The following ATG3 variants were observed in gnomAD, a reference collection of about 807,000 sequenced individuals.
The protein encoded by ATG3 is autophagy related 3.
Under a neutral mutation model 50.7 loss-of-function variants are expected in ATG3, and 25 were observed. The observed-to-expected ratio is 0.49, with a 90% CI of 0.36 to 0.69. ATG3 has a LOEUF of 0.69. Among genes scored for constraint, ATG3 ranks in the 30% least tolerant of loss-of-function variants. The pLI, the probability that ATG3 is intolerant of heterozygous loss-of-function variation, is 0.00. For missense variants in ATG3, 281 were observed against 376.0 expected (o/e 0.75, Z 2.09); for synonymous variants, 119 against 125.5 (o/e 0.95, Z 0.34).
chr3:112,539,502 G>T (rs1933167863), intron 7 of ATG3, among the ~76,000 whole-genome samples: 1 of 151,912 alleles, frequency 6.6e-6, no homozygotes, highest in Non-Finnish European at 1.5e-5. Flanking sequence ...GGTTTTTCTT[G>T]ACCAATTTAT....
intron 2 of ATG3, among the ~76,000 whole-genome samples, chr3:112,554,189 A>T (rs1002850724): frequency 6.6e-6 from 1 of 152,228 alleles, no homozygotes; most frequent in African/African-American, 2.4e-5. Flanking sequence ...CAACTCAAGC[A>T]GGATGTGCAT....
At chr3:112,540,386 T>C (rs1423253859) in intron 7 of ATG3, among the ~76,000 whole-genome samples, 1 of 152,258 alleles carries the variant, frequency 6.6e-6, no homozygotes, top group Non-Finnish European at 1.5e-5. Context: ...CTCTAAAGTC[T>C]ATGTATTTTT....
chr3:112,536,941 AAAAAAAAAAAAAAAAAAAAAAG>A, intron 9 of ATG3, among the ~76,000 whole-genome samples: 1 of 143,678 alleles, frequency 7.0e-6, no homozygotes, highest in African/African-American at 2.7e-5. Context: ...AAAAAAAAAA[AAAAAAAAAAAAAAAAAAAAAAG>A]AAATTACTAT....
intron 6 of ATG3, among the ~76,000 whole-genome samples, chr3:112,542,890 A>C (rs910274150): frequency 6.6e-6 from 1 of 152,084 alleles, no homozygotes; most frequent in Non-Finnish European, 1.5e-5. Flanking sequence ...TGAAGCATAT[A>C]TAGTAATGGT....
intron 5 of ATG3, among the ~76,000 whole-genome samples, chr3:112,546,457 G>T (rs764934784): frequency 6.6e-6 from 1 of 152,150 alleles, no homozygotes; most frequent in South Asian, 2.1e-4. Context: ...TCCCAACAGT[G>T]GGGACAAAAA....
intron 2 of ATG3, among the ~76,000 whole-genome samples, chr3:112,557,340 TA>T (rs1402327249): frequency 6.6e-6 from 1 of 151,630 alleles, no homozygotes; most frequent in Non-Finnish European, 1.5e-5. Flanking sequence ...AAACCATTCT[TA>T]AAACTCACAA....
chr3:112,537,370 ACT>A (rs1933099923), intron 9 of ATG3, among the ~76,000 whole-genome samples: 2 of 151,978 alleles, frequency 1.3e-5, no homozygotes, highest in South Asian at 2.1e-4. Flanking sequence ...ACAACAATCC[ACT>A]CTCTTCACAT....
chr3:112,536,593 G>C lies in ATG3; in HGVS notation c.676C>G (p.Pro226Ala), dbSNP rs890413730. Residue 226 changes from proline to alanine, a missense_variant, in exon 10 of 12, where the codon CCT becomes GCT. By Grantham distance (27) the Pro-to-Ala change is conservative. Coordinates refer to ENST00000283290, the MANE Select transcript of ATG3 (RefSeq NM_022488.5). ...WLFGYDEQRQ[P>A]LTVEHMYEDI... Reference sequence around the variant, plus strand: ...TCATACATGTGCTCAACTGTTAAAGGCTGCCGTTGCTGAAAGCATAAAAAA... The same window carrying C: ...TCATACATGTGCTCAACTGTTAAAGCCTGCCGTTGCTGAAAGCATAAAAAA... 4 of 1,613,918 alleles carry C rather than the reference G, an allele frequency of 2.5e-6. No homozygotes were observed. Among genetic ancestry groups the C allele is most frequent in the Non-Finnish European group, 3.4e-6 (4 of 1,179,916 alleles).
At position 112,534,319 on chromosome 3, in the gene ATG3, C is replaced by T. The variant is rs773740743; in HGVS notation, c.813G>A (p.Lys271=). 5.1e-6 allele frequency: 8 copies of T among 1,568,180 alleles called. No individual in the cohort carries two copies. In the African/African-American group the frequency reaches 1.1e-4, roughly 22 times the overall value. Residue 271 remains lysine (K), a synonymous_variant, in exon 11 of 12, where the codon AAG becomes AAA. Transcript: ENST00000283290. ...CTTCTGCAACAGTCTCAATGATTTT[C>T]TTCATCACCTCAGCATGCCTAGAAG... ...VHPCRHAEVM[K]KIIETVAEGG...
chr3:112,534,224 G>A (rs370106466), intron 11 of ATG3, 45 bp downstream of exon 11: 20 of 1,528,234 alleles, frequency 1.3e-5, no homozygotes, highest in Middle Eastern at 1.7e-4. Flanking sequence ...AAAAAAAATC[G>A]TTAACAGCCA....
chr3:112,556,957 C>T (rs1206638686), intron 2 of ATG3, among the ~76,000 whole-genome samples: 1 of 151,862 alleles, frequency 6.6e-6, no homozygotes, highest in Non-Finnish European at 1.5e-5. Context: ...GACCTTCCCT[C>T]CACTATTGTC....
intron 9 of ATG3, 46 bp downstream of exon 9, chr3:112,537,689 A>G (rs371618597): frequency 7.8e-6 from 11 of 1,417,596 alleles, no homozygotes; most frequent in Non-Finnish European, 1.0e-5. Flanking sequence ...TTAAAACCCA[A>G]CAATTTAAAA....
intron 11 of ATG3, chr3:112,533,008 G>A (rs2082567103): frequency 1.7e-6 from 2 of 1,175,482 alleles, no homozygotes; most frequent in Admixed American, 4.6e-5. Context: ...ACTTCTTAAT[G>A]AGTAGGTGTT....
At chr3:112,538,984 A>C (rs537952273) in intron 7 of ATG3, among the ~76,000 whole-genome samples, 1 of 152,278 alleles carries the variant, frequency 6.6e-6, no homozygotes, top group South Asian at 2.1e-4. Flanking sequence ...AAAACCTTGG[A>C]GTCACCCTTG....
chr3:112,558,430 G>GA lies in ATG3; in HGVS notation c.73-14dup. 1.3e-6 allele frequency: 2 copies of GA among 1,574,814 alleles called. No individual in the cohort carries two copies. The highest frequency in any genetic ancestry group is 1.7e-6 in the Non-Finnish European group (2 of 1,146,050). On this transcript the variant is annotated splice_polypyrimidine_tract_variant and intron_variant, in intron 1 of 11. Transcript: ENST00000283290. Reference sequence around the variant, plus strand: ...TAAACTTTGATTCCTAAAAAAAGCAGAAAGAAAAACAATATTATATCATGT... The same window carrying GA: ...TAAACTTTGATTCCTAAAAAAAGCAGAAAAGAAAAACAATATTATATCATGT...
At chr3:112,542,545 G>C (rs1933260279) in intron 6 of ATG3, among the ~76,000 whole-genome samples, 1 of 151,778 alleles carries the variant, frequency 6.6e-6, no homozygotes, top group Non-Finnish European at 1.5e-5. Context: ...TTTACTTAGG[G>C]GTGGTTTAAT....
At chr3:112,542,800 A>T (rs952411721) in intron 6 of ATG3, among the ~76,000 whole-genome samples, 1 of 152,076 alleles carries the variant, frequency 6.6e-6, no homozygotes, top group Non-Finnish European at 1.5e-5. Flanking sequence ...GTTACAAAAA[A>T]TACTAAAGGA....
intron 6 of ATG3, among the ~76,000 whole-genome samples, chr3:112,543,085 T>C (rs1215770325): frequency 6.6e-6 from 1 of 152,022 alleles, no homozygotes; most frequent in Non-Finnish European, 1.5e-5. Flanking sequence ...TTCGTTTCTA[T>C]CACTTTCTGT....
intron 3 of ATG3, among the ~76,000 whole-genome samples, chr3:112,552,909 G>A (rs1933565713): frequency 6.6e-6 from 1 of 152,106 alleles, no homozygotes; most frequent in Admixed American, 6.5e-5. Context: ...GCCTCCCAAA[G>A]TGCTGGGATT....
Sources: allele counts gnomAD v4.1 joint callset (sites outside exome capture counted in the v4.1 genomes callset), GRCh38; gene constraint gnomAD v4.1.1; transcripts MANE v1.5; gene names NCBI Gene and HGNC (gene_info 2026-07-23, HGNC 2026-07-21).